The following PARP14 variants were observed in gnomAD, a reference collection of about 807,000 sequenced individuals.
PARP14 encodes the protein protein mono-ADP-ribosyltransferase PARP14.
PARP14 carries 59 observed loss-of-function variants against 154.2 expected under a neutral mutation model. That is an observed-to-expected ratio of 0.38 (90% CI 0.31 to 0.48). The LOEUF (loss-of-function observed/expected upper bound fraction) is 0.48. Ranked by LOEUF, PARP14 falls within the 20% of genes least tolerant of loss-of-function variation. PARP14 has a pLI of 0.98. For synonymous variants in PARP14, 720 were observed against 780.5 expected (o/e 0.92, Z 1.29); for missense variants, 1,734 against 2,131.6 (o/e 0.81, Z 3.67).
chr3:122,694,573 C>T lies in PARP14; in HGVS notation c.599-853C>T, dbSNP rs190703747. On this transcript the variant is annotated intron_variant, in intron 4 of 16. Transcript: ENST00000474629. The stretch of plus-strand genomic sequence containing the variant: ...ATTTTAAGATAGAGTCTTGCTCTGT[C>T]GCCCAGGCTGGAATGCAATGCAGTG... Among the ~76,000 whole-genome samples the T allele has an allele frequency of 1.7e-3, 256 of 152,248 alleles. 4 individuals are homozygous for T. The highest frequency in any genetic ancestry group is 1.4e-3 in the Non-Finnish European group (92 of 68,014).
chr3:122,718,540 C>T lies in PARP14; in HGVS notation c.4389C>T (p.Cys1463=), dbSNP rs1933062442. The part of the protein sequence containing the change: ...EQCPYTSEDE[C]IKDFDEKEYQ... ...GTCCTTACACCAGTGAAGATGAGTG[C>T]ATCAAAGACTTTGATGAAAAGGAGT... Residue 1463 remains cysteine, a synonymous_variant, in exon 14 of 17, where the codon TGC becomes TGT. Transcript: ENST00000474629. 2.5e-6 allele frequency: 4 copies of T among 1,613,454 alleles called. No individual in the cohort carries two copies. The highest frequency in any genetic ancestry group is 3.4e-6 in the Non-Finnish European group (4 of 1,179,548).
rs1933347109 is a variant in PARP14, at chr3:122,728,643, C to T, written c.*46C>T. 1 of 1,445,438 alleles carries T rather than the reference C, an allele frequency of 6.9e-7. No homozygotes were observed. Among genetic ancestry groups the T allele is most frequent in the East Asian group, 2.3e-5 (1 of 43,626 alleles). 89.5% of individuals were successfully genotyped at this position (1,445,438 alleles called of 1,614,324 possible). On this transcript the variant is annotated 3_prime_UTR_variant, in exon 17 of 17. Coordinates refer to ENST00000474629, the MANE Select transcript of PARP14 (RefSeq NM_017554.3). ...AAAATTATTCTCCATTTGTACATATCTAGTTGTAAAACAAGTTTTAGCTTT... is the reference window on the plus strand; with the variant it reads ...AAAATTATTCTCCATTTGTACATATTTAGTTGTAAAACAAGTTTTAGCTTT...
In PARP14 at chr3:122,713,879, C is replaced by T; in HGVS notation, c.3777C>T (p.Ser1259=). The stretch of plus-strand genomic sequence containing the variant: ...CTTGATTTTCTCATGTAGGGGTCTC[C>T]AAAGCAATTTTAGAATGTGCTGGAC... ...SNSFNLKAGV[S]KAILECAGQN... The change falls in exon 11 of 17, where the codon TCC becomes TCT. Residue 1259 remains serine, a synonymous_variant. Transcript: ENST00000474629. 6.2e-7 allele frequency: 1 copy of T among 1,609,488 alleles called. No individual in the cohort carries two copies. The highest frequency in any genetic ancestry group is 8.5e-7 in the Non-Finnish European group (1 of 1,175,936).
At chr3:122,708,986 T>C (rs1407221597) in intron 9 of PARP14, among the ~76,000 whole-genome samples, 2 of 152,220 alleles carry the variant, frequency 1.3e-5, no homozygotes, top group African/African-American at 4.8e-5. Flanking sequence ...CTAAAATGTC[T>C]ATTTGGTTCT....
At position 122,718,630 on chromosome 3, in the gene PARP14, TTTGA is replaced by T; in HGVS notation, c.4482_4485del (p.Ile1495ArgfsTer9). 6.2e-7 allele frequency: 1 copy of T among 1,613,888 alleles called. No individual in the cohort carries two copies. The highest frequency in any genetic ancestry group is 8.5e-7 in the Non-Finnish European group (1 of 1,179,852). On this transcript the variant is annotated frameshift_variant, in exon 14 of 17. Transcript: ENST00000474629. LOFTEE classifies it high-confidence loss of function. ...ACATTTCCCTGGACCATAAGAGACCTTTGATTAAGGTTTTGGGAATTAGCAGAGA... is the reference window on the plus strand; with the variant it reads ...ACATTTCCCTGGACCATAAGAGACCTTTAAGGTTTTGGGAATTAGCAGAGA...
At chr3:122,704,984 A>G (rs1939107334) in intron 8 of PARP14, among the ~76,000 whole-genome samples, 2 of 152,240 alleles carry the variant, frequency 1.3e-5, no homozygotes, top group African/African-American at 4.8e-5. Context: ...AGTAGACATA[A>G]TAGTATAATG....
At chr3:122,713,835 T>C (rs1435468896) in intron 10 of PARP14, 37 bp from the exon 11 acceptor site, 2 of 1,448,746 alleles carry the variant, frequency 1.4e-6, no homozygotes, top group East Asian at 2.3e-5. Context: ...AGTGGTTTTT[T>C]ACTCATGTTT....
chr3:122,698,448 C>A (rs1219060062), intron 5 of PARP14, among the ~76,000 whole-genome samples: 1 of 152,168 alleles, frequency 6.6e-6, no homozygotes, highest in Non-Finnish European at 1.5e-5. Flanking sequence ...GAGATTCCAG[C>A]AGGGCCAGGA....
intron 3 of PARP14, among the ~76,000 whole-genome samples, chr3:122,690,507 AGTTT>A (rs907257503): frequency 1.2e-4 from 19 of 152,176 alleles, no homozygotes; most frequent in Middle Eastern, 3.4e-3. Context: ...ACACAACACA[AGTTT>A]GTTTGTTTAT....
At chr3:122,691,173 CAT>C (rs1938528767) in intron 3 of PARP14, among the ~76,000 whole-genome samples, 1 of 152,232 alleles carries the variant, frequency 6.6e-6, no homozygotes, top group African/African-American at 2.4e-5. Flanking sequence ...AACATTTACA[CAT>C]GTCATTTTCC....
intron 12 of PARP14, 118 bp downstream of exon 12, chr3:122,714,547 A>AG: frequency 1.6e-6 from 1 of 632,658 alleles, no homozygotes; most frequent in Admixed American, 3.7e-5. Context: ...CCATTAAGCT[A>AG]GGAGTGGACA....
At position 122,701,531 on chromosome 3, in the gene PARP14, C is replaced by CCAG. The variant is rs748559652; in HGVS notation, c.2985_2987dup (p.Ala996dup). The CCAG allele has an allele frequency of 2.4e-5, 39 of 1,612,560 alleles. No individual in the cohort carries two copies. The highest frequency in any genetic ancestry group is 3.3e-4 in the Middle Eastern group (2 of 6,084). On this transcript the variant is annotated inframe_insertion, in exon 6 of 17. Coordinates refer to ENST00000474629, the MANE Select transcript of PARP14 (RefSeq NM_017554.3). This position sits in a 1 kb window ranked among gnomAD's most constrained non-coding sequence, Gnocchi z 4.0. ...TACAGCTGCCCCGCCAGGTTTACCACCAGCAGCAGCGGGGCCTGGGAAAAC... is the reference window on the plus strand; with the variant it reads ...TACAGCTGCCCCGCCAGGTTTACCACCAGCAGCAGCAGCGGGGCCTGGGAAAAC...
Position 122,700,951 on chromosome 3 carries a change from C to G in PARP14, c.2397C>G (p.Ala799=). The part of the protein sequence containing the change: ...GQKCFSRTVL[A]PGVVLIVQQG... Reference sequence around the variant, plus strand: ...AGTGCTTCTCTCGGACAGTCTTGGCCCCTGGCGTTGTGCTGATTGTGCAGC... The same window carrying G: ...AGTGCTTCTCTCGGACAGTCTTGGCGCCTGGCGTTGTGCTGATTGTGCAGC... The change falls in exon 6 of 17, where the codon GCC becomes GCG. Residue 799 remains alanine, a synonymous_variant. Transcript: ENST00000474629. The G allele has an allele frequency of 1.2e-6, 2 of 1,613,952 alleles. No homozygotes were observed. The highest frequency in any genetic ancestry group is 1.7e-6 in the Non-Finnish European group (2 of 1,179,894).
intron 9 of PARP14, among the ~76,000 whole-genome samples, chr3:122,711,713 A>G (rs1939323712): frequency 6.6e-6 from 1 of 151,844 alleles, no homozygotes; most frequent in African/African-American, 2.4e-5. Flanking sequence ...CTGGTCTGGG[A>G]CTTTTTTGTT....
At chr3:122,709,959 A>G (rs1424380326) in intron 9 of PARP14, among the ~76,000 whole-genome samples, 2 of 150,414 alleles carry the variant, frequency 1.3e-5, no homozygotes, top group Non-Finnish European at 3.0e-5. Context: ...GATTCTAGAT[A>G]CTGGTCCTTT....
rs776623870 is a variant in PARP14 at position 122,685,298 on chromosome 3, G to C, written c.301G>C (p.Glu101Gln). Residue 101 changes from glutamate to glutamine, a missense_variant, in exon 2 of 17, where the codon GAA becomes CAA. Glu to Gln is a conservative substitution (Grantham distance 29, BLOSUM62 2). Transcript: ENST00000474629. The part of the protein sequence containing the change: ...ATPDEIDHVF[E>Q]EELLTKESKT... Reference sequence around the variant, plus strand: ...CCCAGATGAAATCGATCATGTCTTTGAAGAGGAACTTCTAACAAAAGCAAG... The same window carrying C: ...CCCAGATGAAATCGATCATGTCTTTCAAGAGGAACTTCTAACAAAAGCAAG... 3.1e-6 allele frequency: 5 copies of C among 1,613,754 alleles called. No homozygotes were observed. The highest frequency in any genetic ancestry group is 4.2e-6 in the Non-Finnish European group (5 of 1,179,824).
Position 122,692,291 on chromosome 3 carries a change from C to A in PARP14, c.356-10C>A, listed in dbSNP as rs778780371. 1.9e-6 allele frequency: 3 copies of A among 1,606,740 alleles called. No homozygotes were observed. Among genetic ancestry groups the A allele is most frequent in the Non-Finnish European group, 2.6e-6 (3 of 1,174,826 alleles). On this transcript the variant is annotated splice_polypyrimidine_tract_variant and intron_variant, in intron 3 of 16. Transcript: ENST00000474629. ...AACATCTTGTACCTCTTTTGTCTTC[C>A]TAAAATCAGATGTGTCAGAAGAATT...
At chr3:122,682,080 C>T (rs762480145) in intron 1 of PARP14, among the ~76,000 whole-genome samples, 6 of 152,114 alleles carry the variant, frequency 3.9e-5, no homozygotes, top group Non-Finnish European at 5.9e-5. Context: ...AAAAGAATGG[C>T]GCACAGAAGG....
chr3:122,730,717 C>A lies in PARP14; in HGVS notation c.*2120C>A, dbSNP rs915494737. The A allele has an allele frequency of 1.2e-4, 19 of 152,610 alleles. No individual in the cohort carries two copies. Among genetic ancestry groups the A allele is most frequent in the African/African-American group, 4.3e-4 (18 of 41,442 alleles). The allele number at this position is 152,610 out of a possible 1,614,324, so 9.5% of individuals were successfully genotyped here. A position where few individuals can be genotyped will look rare whatever the true frequency, so the allele number is the denominator to read the frequency against. ...GTGATTTGATTAACTCAGGGCAAGG[C>A]TGAATATCAGAGTGTATCGCACTGA... On this transcript the variant is annotated 3_prime_UTR_variant, in exon 17 of 17. Transcript: ENST00000474629.
Sources: allele counts gnomAD v4.1 joint callset (sites outside exome capture counted in the v4.1 genomes callset), GRCh38; gene constraint gnomAD v4.1.1; non-coding constraint Gnocchi (gnomAD v3.1); transcripts MANE v1.5; gene names NCBI Gene and HGNC (gene_info 2026-07-23, HGNC 2026-07-21).